The following SHTN1 variants were observed in gnomAD, a reference collection of about 807,000 sequenced individuals.
SHTN1 encodes shootin-1.
A neutral mutation model predicts 83.1 loss-of-function variants in SHTN1; 42 were observed. The ratio of observed to expected loss-of-function variants is 0.51; its 90% CI spans 0.39 to 0.65. SHTN1 has a LOEUF of 0.65. SHTN1 is among the 30% of genes least tolerant of loss of function. The pLI is 0.00. For missense variants in SHTN1, 622 were observed against 737.8 expected (o/e 0.84, Z 1.82); for synonymous variants, 224 against 247.7 (o/e 0.90, Z 0.90).
In SHTN1 at chr10:117,005,097, G is replaced by T; in HGVS notation, c.-18C>A. 6.3e-7 allele frequency: 1 copy of T among 1,584,658 alleles called. No homozygotes were observed. ...CTGTTCATTTTGGCGGGTGGGGCCG[G>T]GAATAAAAGGGAAAGAGGGAGCGGC... On this transcript the variant is annotated 5_prime_UTR_variant, in exon 1 of 17. Coordinates refer to ENST00000355371, the MANE Select transcript of SHTN1 (RefSeq NM_001127211.3).
chr10:117,108,174 A>C (rs1413008753), intron 1 of SHTN1, among the ~76,000 whole-genome samples: 1 of 152,128 alleles, frequency 6.6e-6, no homozygotes, highest in Non-Finnish European at 1.5e-5. Context: ...AGGACATATT[A>C]ACTACCATTT....
At chr10:117,078,801 G>C (rs754932283) in intron 1 of SHTN1, among the ~76,000 whole-genome samples, 7 of 152,058 alleles carry the variant, frequency 4.6e-5, no homozygotes, top group Non-Finnish European at 8.8e-5. Flanking sequence ...ATGAAGATCT[G>C]TTCCATATTT....
intron 1 of SHTN1, among the ~76,000 whole-genome samples, chr10:117,095,352 T>C (rs1291131184): frequency 6.6e-6 from 1 of 152,236 alleles, no homozygotes; most frequent in East Asian, 1.9e-4. Flanking sequence ...CCTATACTTC[T>C]GGCAATTACC....
chr10:117,026,423 CTTTT>C (rs56269054), intron 2 of SHTN1, among the ~76,000 whole-genome samples: 36 of 143,448 alleles, frequency 2.5e-4, no homozygotes, highest in Non-Finnish European at 2.0e-4. Context: ...AGATAGACTT[CTTTT>C]TTTTTTTTTT....
At chr10:117,040,233 C>A (rs1852564155) in intron 2 of SHTN1, among the ~76,000 whole-genome samples, 1 of 152,076 alleles carries the variant, frequency 6.6e-6, no homozygotes. Context: ...CCAAGACAAT[C>A]TTTAAGAAGA....
At chr10:116,955,220 G>A (rs904155119) in intron 4 of SHTN1, among the ~76,000 whole-genome samples, 6 of 151,246 alleles carry the variant, frequency 4.0e-5, no homozygotes, top group Admixed American at 1.3e-4. Flanking sequence ...TTTAGCTAAT[G>A]TGTTTATGTA....
At chr10:117,004,958 G>A (rs1199880881) in intron 1 of SHTN1, 64 bp downstream of exon 1, 2 of 1,478,698 alleles carry the variant, frequency 1.4e-6, no homozygotes. Context: ...TGGCCCCAGC[G>A]CCCTGGGGCC....
intron 4 of SHTN1, among the ~76,000 whole-genome samples, chr10:116,956,588 A>G (rs1849987046): frequency 6.6e-6 from 1 of 152,192 alleles, no homozygotes; most frequent in South Asian, 2.1e-4. Context: ...TCTTCAAAGT[A>G]TTCATTTAGG....
intron 16 of SHTN1, among the ~76,000 whole-genome samples, chr10:116,889,030 A>C (rs555232072): frequency 1.8e-4 from 27 of 152,364 alleles, no homozygotes; most frequent in African/African-American, 6.5e-4. Context: ...AACTGCTTTC[A>C]GCATGCAAAG....
At chr10:117,018,567 C>CCT (rs1564932242) in intron 2 of SHTN1, among the ~76,000 whole-genome samples, 7 of 135,812 alleles carry the variant, frequency 5.2e-5, no homozygotes, top group Non-Finnish European at 6.3e-5. Flanking sequence ...CTGCTCTCAC[C>CCT]ATTTTTTTTT....
rs1564947490 is a variant in SHTN1 at position 117,065,846 on chromosome 10, AAGGAAG to A, written c.-188-17342_-188-17337del. ...GAAGGAAGGAAGGAAGGAAGGAAGG[AAGGAAG>A]GAAAGGAGGGAGGGAGGGAGGGAGG... On this transcript the variant is annotated intron_variant, in intron 1 of 17. Coordinates refer to the SHTN1 transcript ENST00000392901. Among the ~76,000 whole-genome samples the A allele has an allele frequency of 3.3e-3, 141 of 43,306 alleles. 10 individuals are homozygous for A. The highest frequency in any genetic ancestry group is 0.022 in the East Asian group (17 of 774). 28.4% of individuals were successfully genotyped at this position (43,306 alleles called of 152,430 possible).
intron 1 of SHTN1, among the ~76,000 whole-genome samples, chr10:117,077,338 A>G (rs1010727553): frequency 2.0e-5 from 3 of 152,210 alleles, no homozygotes; most frequent in Non-Finnish European, 4.4e-5. Flanking sequence ...TGATAGAGGT[A>G]TGTGTGTGGA....
At chr10:116,921,046 G>A (rs369739470) in intron 12 of SHTN1, among the ~76,000 whole-genome samples, 24 of 151,888 alleles carry the variant, frequency 1.6e-4, no homozygotes, top group East Asian at 9.7e-4. Flanking sequence ...CTTCTATATC[G>A]TGTACCTCCA....
At chr10:117,054,260 T>A (rs1852794233) in intron 1 of SHTN1, among the ~76,000 whole-genome samples, 1 of 152,092 alleles carries the variant, frequency 6.6e-6, no homozygotes, top group African/African-American at 2.4e-5. Flanking sequence ...ATCATAAGAC[T>A]GACAAAACTG....
At chr10:117,067,816 T>G (rs1853024389) in intron 1 of SHTN1, among the ~76,000 whole-genome samples, 1 of 152,100 alleles carries the variant, frequency 6.6e-6, no homozygotes, top group African/African-American at 2.4e-5. Context: ...TTGACAGTAT[T>G]TGGTAACATA....
chr10:116,939,207 G>A (rs979737609), intron 9 of SHTN1, among the ~76,000 whole-genome samples: 2 of 152,174 alleles, frequency 1.3e-5, no homozygotes, highest in African/African-American at 4.8e-5. Context: ...AGGTGCCACT[G>A]GAGTATGAAG....
At chr10:117,015,573 C>T (rs192231439) in intron 2 of SHTN1, among the ~76,000 whole-genome samples, 222 of 152,242 alleles carry the variant, frequency 1.5e-3, no homozygotes, top group Non-Finnish European at 1.8e-3. Context: ...TCAGGTAATT[C>T]GCCTGCCTCA....
chr10:116,905,857 C>A (rs1408430812), intron 15 of SHTN1, among the ~76,000 whole-genome samples: 3 of 152,122 alleles, frequency 2.0e-5, no homozygotes, highest in African/African-American at 7.2e-5. Flanking sequence ...TTCCCATGAC[C>A]GAGCTGATGA....
chr10:117,084,076 C>T (rs1215804749), intron 1 of SHTN1, among the ~76,000 whole-genome samples: 5 of 151,930 alleles, frequency 3.3e-5, no homozygotes, highest in East Asian at 1.9e-4. Context: ...AGCTTTGTTC[C>T]GTTGCTGGTG....
Sources: allele counts gnomAD v4.1 joint callset (sites outside exome capture counted in the v4.1 genomes callset), GRCh38; gene constraint gnomAD v4.1.1; transcripts MANE v1.5; gene names NCBI Gene and HGNC (gene_info 2026-07-23, HGNC 2026-07-21).